TAOK3: variants seen among roughly 807,000 people sequenced by gnomAD.
TAOK3 encodes the protein serine/threonine-protein kinase TAO3.
In TAOK3, 40 loss-of-function variants were observed where a neutral mutation model predicts 120.4. The ratio of observed to expected loss-of-function variants is 0.33; its 90% CI spans 0.26 to 0.43. The LOEUF is 0.43. Ranked by LOEUF, TAOK3 falls within the 20% of genes least tolerant of loss-of-function variation. The pLI, the probability that TAOK3 is intolerant of heterozygous loss-of-function variation, is 1.00. For synonymous variants in TAOK3, 355 were observed against 387.5 expected (o/e 0.92, Z 0.99); for missense variants, 821 against 1,112.1 (o/e 0.74, Z 3.72).
At position 118,292,076 on chromosome 12, in the gene TAOK3, G is replaced by A. The variant is rs892860886; in HGVS notation, c.-193-25317C>T. ...CTGGCCTTGGCCTCCCAAAGTGCTG[G>A]GATTACAGGAGTGAGCCACTGCGCC... On this transcript the variant is annotated intron_variant, in intron 1 of 20. Coordinates refer to ENST00000392533, the MANE Select transcript of TAOK3 (RefSeq NM_016281.4). 2.0e-5 allele frequency among the ~76,000 whole-genome samples: 3 copies of A among 152,100 alleles called. No homozygotes were observed. The East Asian group carries it at 5.8e-4, about 29-fold the overall frequency.
At chr12:118,327,891 C>G (rs945543436) in intron 1 of TAOK3, among the ~76,000 whole-genome samples, 1 of 152,144 alleles carries the variant, frequency 6.6e-6, no homozygotes, top group Non-Finnish European at 1.5e-5. Flanking sequence ...AAGTTATAAT[C>G]TTCTGAATCC....
At chr12:118,267,284 C>T (rs953654491) in intron 1 of TAOK3, among the ~76,000 whole-genome samples, 2 of 151,678 alleles carry the variant, frequency 1.3e-5, no homozygotes, top group African/African-American at 4.8e-5. Context: ...GGCATGATCT[C>T]GGCTCACTGC....
intron 1 of TAOK3, among the ~76,000 whole-genome samples, chr12:118,289,392 A>G (rs2042390665): frequency 6.6e-6 from 1 of 152,000 alleles, no homozygotes; most frequent in South Asian, 2.1e-4. Context: ...TTCCAAAAAT[A>G]CATCCTGTTA....
rs11068918 is a variant in TAOK3, at chr12:118,354,673, G to A, written c.-194+17975C>T. ...GTGAATCATGGGGTGGGTCTTTCCCGTGCTGTTCTTGTGATACAGTCTCAT... is the reference window on the plus strand; with the variant it reads ...GTGAATCATGGGGTGGGTCTTTCCCATGCTGTTCTTGTGATACAGTCTCAT... On this transcript the variant is annotated intron_variant, in intron 1 of 20. Transcript: ENST00000392533. Among the ~76,000 whole-genome samples, 260 of 152,230 alleles carry A rather than the reference G, an allele frequency of 1.7e-3. 1 individual carries two copies. The highest frequency in any genetic ancestry group is 2.7e-3 in the Non-Finnish European group (182 of 68,004).
At chr12:118,166,802 A>ATGTG (rs143091392) in intron 17 of TAOK3, among the ~76,000 whole-genome samples, 127 of 141,534 alleles carry the variant, frequency 9.0e-4, no homozygotes, top group South Asian at 1.9e-3. Flanking sequence ...TACTCAATGT[A>ATGTG]TGTGTGTGTG....
intron 1 of TAOK3, among the ~76,000 whole-genome samples, chr12:118,317,988 T>G (rs867904865): frequency 1.3e-5 from 2 of 152,066 alleles, no homozygotes; most frequent in Non-Finnish European, 2.9e-5. Context: ...AAATTGATTT[T>G]CAACAAGGGT....
At chr12:118,282,417 T>C (rs776644388) in intron 1 of TAOK3, among the ~76,000 whole-genome samples, 1 of 152,204 alleles carries the variant, frequency 6.6e-6, no homozygotes, top group Non-Finnish European at 1.5e-5. Flanking sequence ...CCTATGCCTT[T>C]TGGCATTGGT....
At chr12:118,201,812 T>G (rs2038037394) in intron 11 of TAOK3, among the ~76,000 whole-genome samples, 1 of 152,152 alleles carries the variant, frequency 6.6e-6, no homozygotes, top group South Asian at 2.1e-4. Flanking sequence ...AGTTACTTCT[T>G]GGTGGCAAAG....
intron 1 of TAOK3, among the ~76,000 whole-genome samples, chr12:118,320,013 C>T (rs1293863405): frequency 2.6e-5 from 4 of 152,206 alleles, no homozygotes; most frequent in South Asian, 4.1e-4. Flanking sequence ...CAAAATATTA[C>T]TTAGCCATAA....
intron 14 of TAOK3, 28 bp downstream of exon 14, chr12:118,189,779 G>A: frequency 6.2e-7 from 1 of 1,613,524 alleles, no homozygotes. Flanking sequence ...GGAAGGAAGG[G>A]AAGGTGGGTA....
intron 1 of TAOK3, among the ~76,000 whole-genome samples, chr12:118,305,631 G>A (rs930367255): frequency 3.3e-5 from 5 of 152,072 alleles, no homozygotes; most frequent in East Asian, 1.9e-4. Context: ...GCGGCTGGGC[G>A]TGGTGGCTCA....
At chr12:118,164,283 C>T (rs201586777) in intron 17 of TAOK3, among the ~76,000 whole-genome samples, 1 of 150,844 alleles carries the variant, frequency 6.6e-6, no homozygotes, top group Non-Finnish European at 1.5e-5. Flanking sequence ...GCCAAGATCG[C>T]GCCACTGCAC....
intron 4 of TAOK3, among the ~76,000 whole-genome samples, chr12:118,244,103 C>T (rs2040372167): frequency 6.6e-6 from 1 of 152,206 alleles, no homozygotes; most frequent in South Asian, 2.1e-4. Flanking sequence ...TTTTCAGGCA[C>T]CCAGGCTAGA....
intron 1 of TAOK3, among the ~76,000 whole-genome samples, chr12:118,268,813 A>T (rs2041569904): frequency 1.3e-5 from 2 of 152,172 alleles, no homozygotes; most frequent in Admixed American, 6.5e-5. Flanking sequence ...GTTCAAGACC[A>T]GCCTAACCAA....
chr12:118,244,763 C>A, intron 4 of TAOK3, 131 bp downstream of exon 4: 1 of 591,048 alleles, frequency 1.7e-6, no homozygotes. Flanking sequence ...CTCCCGACCT[C>A]GTGAGCCGCC....
At position 118,238,113 on chromosome 12, in the gene TAOK3, G is replaced by A. The variant is rs771154806; in HGVS notation, c.397C>T (p.His133Tyr). The A allele has an allele frequency of 2.5e-6, 4 of 1,611,890 alleles. No homozygotes were observed. The highest frequency in any genetic ancestry group is 2.2e-5 in the South Asian group (2 of 90,882). ...TGAGAATGTAGGTAGGCTAGTCCAT[G>A]CAAGGCTCCATGAGTAATGGCAGCG... ...EIAAITHGAL[H>Y]GLAYLHSHAL... Residue 133 changes from histidine (H) to tyrosine (Y), a missense_variant, in exon 7 of 21, where the codon CAT becomes TAT. Around this residue, in one of 2 missense-constraint regions of TAOK3, gnomAD observed 467 missense variants for 540.0 expected, o/e 0.86. Coordinates refer to ENST00000392533, the MANE Select transcript of TAOK3 (RefSeq NM_016281.4).
In TAOK3 at chr12:118,332,581, A is replaced by G. The variant is rs924562068; in HGVS notation, c.-194+40067T>C. 4.6e-5 allele frequency among the ~76,000 whole-genome samples: 7 copies of G among 152,202 alleles called. No individual in the cohort carries two copies. The East Asian group carries it at 1.3e-3, about 29-fold the overall frequency. The stretch of plus-strand genomic sequence containing the variant: ...GATAAAAATAAATAAAGAAGATTAA[A>G]TCTTTATTTTGCTGCATTCTTTCCT... On this transcript the variant is annotated intron_variant, in intron 1 of 20. Coordinates refer to ENST00000392533, the MANE Select transcript of TAOK3 (RefSeq NM_016281.4).
intron 19 of TAOK3, among the ~76,000 whole-genome samples, chr12:118,154,007 G>C (rs1260734193): frequency 6.6e-6 from 1 of 152,134 alleles, no homozygotes; most frequent in African/African-American, 2.4e-5. Flanking sequence ...TCCCAGTAAG[G>C]AATGAAGGGA....
intron 12 of TAOK3, 96 bp from the exon 13 acceptor site, chr12:118,199,353 A>T: frequency 1.0e-6 from 1 of 990,746 alleles, no homozygotes; most frequent in Non-Finnish European, 1.6e-6. Flanking sequence ...TTGCAGTGTC[A>T]AGTTGCTTTT....
Sources: gnomAD v4.1 joint callset for allele counts (sites outside exome capture counted in the v4.1 genomes callset) on GRCh38, gnomAD v4.1.1 for gene constraint, gnomAD v4.1.1 regional missense constraint, MANE v1.5 for transcripts, NCBI Gene and HGNC (gene_info 2026-07-23, HGNC 2026-07-21) for gene names.